The following DRC11 variants were observed in gnomAD, a reference collection of about 807,000 sequenced individuals.
DRC11 encodes dynein regulatory complex subunit 11, also known as IQ and AAA domain-containing protein 1.
chr2:236,316,850 G>C, the DRC11 span, among the ~76,000 whole-genome samples: 1 of 152,184 alleles, frequency 6.6e-6, no homozygotes, highest in Non-Finnish European at 1.5e-5. The surrounding 1 kb of genome is among the most constrained non-coding windows in gnomAD (Gnocchi z 6.8). Context: ...CAGTAAACTT[G>C]GTGGCACTGC....
At chr2:236,480,230 G>A in the DRC11 span, among the ~76,000 whole-genome samples, 1 of 152,080 alleles carries the variant, frequency 6.6e-6, no homozygotes, top group South Asian at 2.1e-4. Flanking sequence ...TATTTGGGTT[G>A]AATCTGTTTG....
the DRC11 span, among the ~76,000 whole-genome samples, chr2:236,491,221 A>ATATATATATATATATATATATACACACAG: frequency 2.1e-4 from 10 of 48,136 alleles, no homozygotes; most frequent in South Asian, 4.7e-4. Flanking sequence ...TACACACAGT[A>ATATATATATATATATATATATACACACAG]TATATATATA....
At chr2:236,452,645 G>A in the DRC11 span, among the ~76,000 whole-genome samples, 1 of 152,168 alleles carries the variant, frequency 6.6e-6, no homozygotes, top group African/African-American at 2.4e-5. This position sits in a 1 kb window ranked among gnomAD's most constrained non-coding sequence, Gnocchi z 4.7. Context: ...AAGGAGGGGA[G>A]GAAAAAGTGT....
At chr2:236,412,246 CT>C in the DRC11 span, among the ~76,000 whole-genome samples, 1 of 152,196 alleles carries the variant, frequency 6.6e-6, no homozygotes, top group Admixed American at 6.5e-5. Flanking sequence ...GAAAACCTTC[CT>C]TTTATCCTTC....
chr2:236,380,497 G>A, the DRC11 span: 88 of 1,193,348 alleles, frequency 7.4e-5, no homozygotes, highest in Admixed American at 9.3e-4. This position sits in a 1 kb window ranked among gnomAD's most constrained non-coding sequence, Gnocchi z 4.9. Flanking sequence ...CAGAGGGGGC[G>A]TACTCGGGGT....
chr2:236,359,513 A>T, the DRC11 span, among the ~76,000 whole-genome samples: 1 of 152,124 alleles, frequency 6.6e-6, no homozygotes, highest in Non-Finnish European at 1.5e-5. This position sits in a 1 kb window ranked among gnomAD's most constrained non-coding sequence, Gnocchi z 4.3. Flanking sequence ...TCCCGAGATT[A>T]ACTTGGTAAC....
At chr2:236,421,429 C>A in the DRC11 span, among the ~76,000 whole-genome samples, 1 of 152,090 alleles carries the variant, frequency 6.6e-6, no homozygotes, top group African/African-American at 2.4e-5. Flanking sequence ...ATACTATAAA[C>A]ACCTTTATGC....
chr2:236,487,361 A>C, the DRC11 span, among the ~76,000 whole-genome samples: 1 of 152,186 alleles, frequency 6.6e-6, no homozygotes, highest in Non-Finnish European at 1.5e-5. Flanking sequence ...ACCTTCTCCT[A>C]TTCCTATTCA....
the DRC11 span, among the ~76,000 whole-genome samples, chr2:236,456,763 T>A: frequency 6.6e-6 from 1 of 152,192 alleles, no homozygotes; most frequent in African/African-American, 2.4e-5. This position sits in a 1 kb window ranked among gnomAD's most constrained non-coding sequence, Gnocchi z 5.4. Context: ...AAGAATGAGC[T>A]GGATGTCAGG....
the DRC11 span, among the ~76,000 whole-genome samples, chr2:236,473,263 T>C: frequency 3.3e-5 from 5 of 152,152 alleles, no homozygotes; most frequent in African/African-American, 9.7e-5. This position sits in a 1 kb window ranked among gnomAD's most constrained non-coding sequence, Gnocchi z 4.8. Context: ...AGGAACCCCA[T>C]GTTCTGAGGG....
At chr2:236,357,214 G>GTA in the DRC11 span, among the ~76,000 whole-genome samples, 5,647 of 107,560 alleles carry the variant, frequency 0.053, 277 homozygotes, top group Middle Eastern at 0.16. Context: ...TATTCATATA[G>GTA]TATATATCTA....
At chr2:236,380,979 G>T in the DRC11 span, among the ~76,000 whole-genome samples, 1 of 152,212 alleles carries the variant, frequency 6.6e-6, no homozygotes, top group African/African-American at 2.4e-5. The surrounding 1 kb of genome is among the most constrained non-coding windows in gnomAD (Gnocchi z 4.9). Context: ...GAGTCAAGCT[G>T]TGCTCACCTT....
chr2:236,364,312 T>TTTTTG, the DRC11 span, among the ~76,000 whole-genome samples: 2 of 149,728 alleles, frequency 1.3e-5, no homozygotes, highest in African/African-American at 2.5e-5. Flanking sequence ...TTTTTTTTTT[T>TTTTTG]GAGTGCTTTC....
the DRC11 span, among the ~76,000 whole-genome samples, chr2:236,313,853 A>C: frequency 1.6e-5 from 2 of 128,640 alleles, no homozygotes; most frequent in African/African-American, 8.1e-5. This position sits in a 1 kb window ranked among gnomAD's most constrained non-coding sequence, Gnocchi z 4.5. Context: ...CATTTTTAAT[A>C]TGATGCAATT....
chr2:236,406,893 C>G, the DRC11 span, among the ~76,000 whole-genome samples: 3 of 152,028 alleles, frequency 2.0e-5, no homozygotes, highest in Admixed American at 1.3e-4. The surrounding 1 kb of genome is among the most constrained non-coding windows in gnomAD (Gnocchi z 4.7). Context: ...CTACAGGCGC[C>G]CACCACCACG....
At chr2:236,342,640 G>A in the DRC11 span, among the ~76,000 whole-genome samples, 2 of 152,208 alleles carry the variant, frequency 1.3e-5, no homozygotes, top group Non-Finnish European at 2.9e-5. The surrounding 1 kb of genome is among the most constrained non-coding windows in gnomAD (Gnocchi z 5.8). Flanking sequence ...CTGGAGTTCC[G>A]TGTAGAGCTG....
At chr2:236,348,195 G>A in the DRC11 span, among the ~76,000 whole-genome samples, 5 of 152,194 alleles carry the variant, frequency 3.3e-5, no homozygotes, top group South Asian at 2.1e-4. This position sits in a 1 kb window ranked among gnomAD's most constrained non-coding sequence, Gnocchi z 7.4. Flanking sequence ...TGCATAAAAT[G>A]TAGATTCGAA....
chr2:236,483,528 G>A, the DRC11 span, among the ~76,000 whole-genome samples: 1 of 152,164 alleles, frequency 6.6e-6, no homozygotes, highest in Non-Finnish European at 1.5e-5. This position sits in a 1 kb window ranked among gnomAD's most constrained non-coding sequence, Gnocchi z 4.8. Flanking sequence ...ATCACAACTT[G>A]AGAGTTTACA....
chr2:236,454,249 CAA>C, the DRC11 span, among the ~76,000 whole-genome samples: 1 of 152,178 alleles, frequency 6.6e-6, no homozygotes, highest in African/African-American at 2.4e-5. This position sits in a 1 kb window ranked among gnomAD's most constrained non-coding sequence, Gnocchi z 5.3. Context: ...CCGGATAAAC[CAA>C]GAGAGCCTAG....
Sources: allele counts gnomAD v4.1 joint callset (sites outside exome capture counted in the v4.1 genomes callset), GRCh38; gene constraint gnomAD v4.1.1; non-coding constraint Gnocchi (gnomAD v3.1); transcripts MANE v1.5; gene names NCBI Gene and HGNC (gene_info 2026-07-23, HGNC 2026-07-21).